AGBL4: variants seen among roughly 807,000 people sequenced by gnomAD.
AGBL4 encodes the protein cytosolic carboxypeptidase 6.
A neutral mutation model predicts 66.4 loss-of-function variants in AGBL4; 58 were observed. The ratio of observed to expected loss-of-function variants is 0.87; its 90% CI spans 0.71 to 1.09. AGBL4 has a LOEUF of 1.09. AGBL4 is among the 50% of genes least tolerant of loss of function. The pLI is 0.00. For synonymous variants in AGBL4, 234 were observed against 222.9 expected, an observed-to-expected ratio of 1.05 and a Z score of -0.44; for missense variants, 579 against 631.0, an observed-to-expected ratio of 0.92 and a Z score of 0.88.
chr1:49,121,538 G>C (rs592253), intron 4 of AGBL4, among the ~76,000 whole-genome samples: 5,457 of 152,270 alleles, frequency 0.036, 292 homozygotes, highest in African/African-American at 0.11. Context: ...AGCAGAGGCT[G>C]CAGAACAGCA....
chr1:49,843,204 G>C (rs932299245), intron 2 of AGBL4, among the ~76,000 whole-genome samples: 1 of 152,126 alleles, frequency 6.6e-6, no homozygotes, highest in Non-Finnish European at 1.5e-5. Flanking sequence ...ATGGTTCACA[G>C]CAACCTCGAC....
At chr1:49,575,322 T>C (rs1644414933) in intron 3 of AGBL4, among the ~76,000 whole-genome samples, 1 of 152,124 alleles carries the variant, frequency 6.6e-6, no homozygotes, top group African/African-American at 2.4e-5. Flanking sequence ...ATTTCCCCAG[T>C]GCCAAATGCA....
intron 5 of AGBL4, among the ~76,000 whole-genome samples, chr1:48,973,167 C>A (rs948811053): frequency 3.3e-5 from 5 of 152,094 alleles, no homozygotes; most frequent in Admixed American, 2.6e-4. Context: ...TAAGTGAAAT[C>A]TAGATTTTCA....
chr1:49,051,153 C>T (rs1644202555), intron 4 of AGBL4, among the ~76,000 whole-genome samples: 1 of 152,084 alleles, frequency 6.6e-6, no homozygotes, highest in Non-Finnish European at 1.5e-5. Context: ...CCCTAGTAGA[C>T]ACAAGCATTT....
chr1:49,667,382 G>A (rs762961002), intron 3 of AGBL4, among the ~76,000 whole-genome samples: 11 of 151,982 alleles, frequency 7.2e-5, no homozygotes, highest in Admixed American at 3.9e-4. Flanking sequence ...CACCTGAGCC[G>A]GGGAGGTCAA....
chr1:49,618,222 C>T (rs2124279932), intron 3 of AGBL4, among the ~76,000 whole-genome samples: 1 of 152,244 alleles, frequency 6.6e-6, no homozygotes, highest in South Asian at 2.1e-4. Flanking sequence ...CCACGGTATA[C>T]CTGTGCCACA....
intron 3 of AGBL4, among the ~76,000 whole-genome samples, chr1:49,247,909 A>G (rs1388253934): frequency 6.6e-6 from 1 of 152,286 alleles, no homozygotes; most frequent in East Asian, 1.9e-4. Flanking sequence ...CTTGCCCTCC[A>G]AAAATCCCCA....
intron 5 of AGBL4, among the ~76,000 whole-genome samples, chr1:48,902,857 C>T (rs933314077): frequency 3.9e-5 from 6 of 152,116 alleles, no homozygotes; most frequent in African/African-American, 1.4e-4. Context: ...CCCATAACTC[C>T]CCATTGCCCT....
intron 5 of AGBL4, among the ~76,000 whole-genome samples, chr1:48,945,951 C>CACACAGGTAATGGA (rs935239467): frequency 1.3e-5 from 2 of 152,156 alleles, no homozygotes; most frequent in African/African-American, 2.4e-5. Flanking sequence ...TAGTACCTGG[C>CACACAGGTAATGGA]ACACAGTAAG....
At chr1:48,733,094 C>T (rs1648415665) in intron 6 of AGBL4, among the ~76,000 whole-genome samples, 1 of 152,176 alleles carries the variant, frequency 6.6e-6, no homozygotes, top group African/African-American at 2.4e-5. Context: ...GGAACACACA[C>T]AGTGGGTGTA....
chr1:49,282,571 G>A lies in AGBL4; in HGVS notation c.283-36707C>T, dbSNP rs775365669. Among the ~76,000 whole-genome samples, 37 of 152,310 alleles carry A rather than the reference G, an allele frequency of 2.4e-4. No individual in the cohort carries two copies. The East Asian group carries it at 4.6e-3, about 19-fold the overall frequency. ...GTCTACAGCTCCCAGCGTGAGCGAC[G>A]CAGAAGACAGGTGATTTCTGCATTT... On this transcript the variant is annotated intron_variant, in intron 3 of 13. Coordinates refer to ENST00000371839, the MANE Select transcript of AGBL4 (RefSeq NM_032785.4).
At chr1:49,447,034 A>G (rs1034195814) in intron 3 of AGBL4, among the ~76,000 whole-genome samples, 3 of 152,176 alleles carry the variant, frequency 2.0e-5, no homozygotes, top group African/African-American at 7.2e-5. Flanking sequence ...TCTTACAGGC[A>G]GCCCTCTAGC....
At chr1:49,652,234 A>G (rs916064037) in intron 3 of AGBL4, among the ~76,000 whole-genome samples, 4 of 152,236 alleles carry the variant, frequency 2.6e-5, no homozygotes, top group African/African-American at 9.6e-5. Flanking sequence ...CAGGCATTTC[A>G]GAGACAGAAG....
intron 3 of AGBL4, chr1:49,374,476 C>T (rs1297862751): frequency 6.6e-6 from 1 of 152,178 alleles, no homozygotes; most frequent in Non-Finnish European, 1.5e-5. Context: ...TGCTCCTAGA[C>T]TTGCTTCTCA....
At chr1:49,655,591 A>G (rs1646109557) in intron 3 of AGBL4, among the ~76,000 whole-genome samples, 1 of 152,190 alleles carries the variant, frequency 6.6e-6, no homozygotes, top group African/African-American at 2.4e-5. Context: ...AATGCCTACA[A>G]GAGAAAGCAG....
At chr1:49,822,676 A>G (rs1428713923) in intron 2 of AGBL4, among the ~76,000 whole-genome samples, 1 of 152,144 alleles carries the variant, frequency 6.6e-6, no homozygotes, top group Non-Finnish European at 1.5e-5. Context: ...CATAAGTATG[A>G]TATTCATTAT....
chr1:49,674,838 A>C (rs529939244), intron 3 of AGBL4, among the ~76,000 whole-genome samples: 1 of 152,274 alleles, frequency 6.6e-6, no homozygotes, highest in South Asian at 2.1e-4. Flanking sequence ...CAGTAACGAA[A>C]CAATGTCAAA....
rs1316920873 is a variant in AGBL4 at position 49,250,525 on chromosome 1, C to A, written c.283-4661G>T. 2.0e-5 allele frequency among the ~76,000 whole-genome samples: 3 copies of A among 148,908 alleles called. No individual in the cohort carries two copies. The Admixed American group carries it at 2.0e-4, about 10-fold the overall frequency. Reference sequence around the variant, plus strand: ...GTGGCTTGATCTCAGCTCATTGCAACCTCCACCTCCTGGGTTCAAGCGATT... The same window carrying A: ...GTGGCTTGATCTCAGCTCATTGCAAACTCCACCTCCTGGGTTCAAGCGATT... On this transcript the variant is annotated intron_variant, in intron 3 of 13. Coordinates refer to ENST00000371839, the MANE Select transcript of AGBL4 (RefSeq NM_032785.4).
At chr1:49,047,506 T>G (rs1271212572) in intron 4 of AGBL4, among the ~76,000 whole-genome samples, 1 of 152,120 alleles carries the variant, frequency 6.6e-6, no homozygotes, top group African/African-American at 2.4e-5. Flanking sequence ...AGACAAATCT[T>G]ATAGGCACTC....
Sources: gnomAD v4.1 joint callset for allele counts (sites outside exome capture counted in the v4.1 genomes callset) on GRCh38, gnomAD v4.1.1 for gene constraint, MANE v1.5 for transcripts, NCBI Gene and HGNC (gene_info 2026-07-23, HGNC 2026-07-21) for gene names.